Variants in ZNF382 observed in about 807,000 individuals in gnomAD.
ZNF382 encodes zinc finger protein 382.
A neutral mutation model predicts 38.8 loss-of-function variants in ZNF382; 20 were observed. The ratio of observed to expected loss-of-function variants is 0.51; its 90% CI spans 0.36 to 0.75. The LOEUF is 0.75. Ranked by LOEUF, ZNF382 falls within the 30% of genes least tolerant of loss-of-function variation. The pLI is 0.00. For missense variants in ZNF382, 546 were observed against 654.1 expected (o/e 0.83, Z 1.80); for synonymous variants, 202 against 223.1 (o/e 0.91, Z 0.84).
At chr19:36,618,852 A>G (rs779002115) in intron 4 of ZNF382, among the ~76,000 whole-genome samples, 1 of 152,182 alleles carries the variant, frequency 6.6e-6, no homozygotes, top group African/African-American at 2.4e-5. Context: ...ACCCTGCCCA[A>G]CATGGCAAAA....
chr19:36,621,644 A>G (rs1319602379), intron 4 of ZNF382, among the ~76,000 whole-genome samples: 1 of 152,100 alleles, frequency 6.6e-6, no homozygotes, highest in African/African-American at 2.4e-5. Flanking sequence ...TCAGTATAGT[A>G]TAACAACTGT....
intron 2 of ZNF382, chr19:36,608,146 A>G (rs2037049420): frequency 6.5e-6 from 1 of 152,746 alleles, no homozygotes; most frequent in African/African-American, 2.4e-5. Flanking sequence ...AGGTTTTGCA[A>G]TGGTACGTTG....
chr19:36,614,209 A>G (rs2037102669), intron 4 of ZNF382, among the ~76,000 whole-genome samples: 1 of 152,068 alleles, frequency 6.6e-6, no homozygotes, highest in East Asian at 1.9e-4. Flanking sequence ...ATATGGTGGC[A>G]CATGCCTGTA....
chr19:36,614,016 TAGCGTAA>T (rs1273146710), intron 4 of ZNF382, among the ~76,000 whole-genome samples: 2 of 152,156 alleles, frequency 1.3e-5, no homozygotes, highest in Non-Finnish European at 2.9e-5. Flanking sequence ...GGAAGTCAGT[TAGCGTAA>T]GTCCTCTAAC....
In ZNF382 at chr19:36,626,787, A is replaced by G; in HGVS notation, c.890A>G (p.His297Arg). The G allele has an allele frequency of 1.2e-6, 2 of 1,614,244 alleles. No individual in the cohort carries two copies. Among genetic ancestry groups the G allele is most frequent in the South Asian group, 1.1e-5 (1 of 91,090 alleles). The change falls in exon 5 of 5, where the codon CAC becomes CGC. Residue 297 changes from histidine (H) to arginine (R), a missense_variant. His to Arg is a conservative substitution (Grantham distance 29, BLOSUM62 0). Coordinates refer to ENST00000292928, the MANE Select transcript of ZNF382 (RefSeq NM_032825.5). ...QRPQTEEKPF[H>R]CPYCGNNFRR... ...CCTCAAACAGAAGAGAAACCCTTTC[A>G]CTGTCCTTACTGTGGGAATAACTTT...
In ZNF382 at chr19:36,627,681, A is replaced by AACAC. The variant is rs10669183; in HGVS notation, c.*157_*160dup. 6,127 of 532,542 alleles carry AACAC rather than the reference A, an allele frequency of 0.012. 69 individuals carry two copies. The highest frequency in any genetic ancestry group is 0.056 in the African/African-American group (2,868 of 51,308). 33.0% of individuals were successfully genotyped at this position (532,542 alleles called of 1,614,324 possible). A position where few individuals can be genotyped will look rare whatever the true frequency, so the allele number is the denominator to read the frequency against. The stretch of plus-strand genomic sequence containing the variant: ...TAACCTACTGTTTGCCAGCCTGTAA[A>AACAC]ACACACACACACACACACACACACA... On this transcript the variant is annotated 3_prime_UTR_variant, in exon 5 of 5. Coordinates refer to ENST00000292928, the MANE Select transcript of ZNF382 (RefSeq NM_032825.5).
chr19:36,609,304 TTCTG>T (rs2145312432), intron 2 of ZNF382: 1 of 152,328 alleles, frequency 6.6e-6, no homozygotes, highest in South Asian at 2.1e-4. Context: ...AAGACCACTG[TTCTG>T]TAGGAAAAAA....
intron 4 of ZNF382, among the ~76,000 whole-genome samples, chr19:36,614,917 C>A (rs12150966): frequency 3.5e-5 from 1 of 28,614 alleles, no homozygotes; most frequent in Non-Finnish European, 8.7e-5. Context: ...TCCTTTCCTT[C>A]CCTTTCCCTT....
intron 4 of ZNF382, among the ~76,000 whole-genome samples, chr19:36,622,654 C>A (rs927490009): frequency 2.0e-4 from 30 of 152,140 alleles, no homozygotes; most frequent in African/African-American, 7.2e-4. Flanking sequence ...CCTTAGGAAG[C>A]TGAGCTGATG....
rs1422225575 is a variant in ZNF382, at chr19:36,632,829, C to A, written c.*5279C>A. On this transcript the variant is annotated 3_prime_UTR_variant, in exon 5 of 5. Coordinates refer to ENST00000292928, the MANE Select transcript of ZNF382 (RefSeq NM_032825.5). ...AGCATATCTCCTCACCCTCTGTGTC[C>A]CCAGTATCAGATAGTGCACAGTACA... is the stretch of plus-strand genomic sequence containing the variant. 1 of 152,150 alleles carries A rather than the reference C, an allele frequency of 6.6e-6. No homozygotes were observed. Among genetic ancestry groups the A allele is most frequent in the African/African-American group, 2.4e-5 (1 of 41,422 alleles). 9.4% of individuals were successfully genotyped at this position (152,150 alleles called of 1,614,324 possible). A position where few individuals can be genotyped will look rare whatever the true frequency, so the allele number is the denominator to read the frequency against.
intron 3 of ZNF382, 55 bp from the exon 4 acceptor site, chr19:36,610,595 C>T (rs1406507743): frequency 3.5e-6 from 5 of 1,425,272 alleles, no homozygotes; most frequent in Non-Finnish European, 4.9e-6. Context: ...TATCTTACTT[C>T]AATAGTTTTA....
intron 1 of ZNF382, chr19:36,605,591 G>C (rs2037012965): frequency 6.6e-6 from 1 of 152,270 alleles, no homozygotes; most frequent in African/African-American, 2.4e-5. Flanking sequence ...GCTCCGCGAA[G>C]GGGGATTTTG....
chr19:36,614,895 T>TTTCCG, intron 4 of ZNF382, among the ~76,000 whole-genome samples: 2 of 73,954 alleles, frequency 2.7e-5, no homozygotes, highest in African/African-American at 7.1e-5. Flanking sequence ...TTTCCTTTCC[T>TTTCCG]TTCCTTTCCT....
At chr19:36,620,343 T>C (rs777855333) in intron 4 of ZNF382, among the ~76,000 whole-genome samples, 3 of 152,216 alleles carry the variant, frequency 2.0e-5, no homozygotes, top group Non-Finnish European at 4.4e-5. Context: ...AAATACTAAC[T>C]CATTCTCATC....
Position 36,632,805 on chromosome 19 carries a change from G to A in ZNF382, c.*5255G>A, listed in dbSNP as rs2037261924. The A allele has an allele frequency of 2.0e-5, 3 of 152,176 alleles. 1 individual carries two copies. The highest frequency in any genetic ancestry group is 2.0e-4 in the Admixed American group (3 of 15,270). The allele number at this position is 152,176 out of a possible 1,614,324, so 9.4% of individuals were successfully genotyped here. On this transcript the variant is annotated 3_prime_UTR_variant, in exon 5 of 5. Coordinates refer to ENST00000292928, the MANE Select transcript of ZNF382 (RefSeq NM_032825.5). ...ATTTCCTGATAATGTATGTGAACAA[G>A]CATATCTCCTCACCCTCTGTGTCCC...
chr19:36,614,914 C>CTTTCCTTCCCTTCCCT (rs752527955), intron 4 of ZNF382, among the ~76,000 whole-genome samples: 1 of 90,788 alleles, frequency 1.1e-5, no homozygotes, highest in East Asian at 2.6e-4. Context: ...CTTTCCTTTC[C>CTTTCCTTCCCTTCCCT]TTCCCTTTCC....
intron 2 of ZNF382, chr19:36,608,724 C>T (rs1224402935): frequency 6.6e-6 from 1 of 152,268 alleles, no homozygotes. Flanking sequence ...GCTATCACCA[C>T]CTGTATGTTC....
chr19:36,608,682 G>A (rs1029383721), intron 2 of ZNF382: 2 of 152,198 alleles, frequency 1.3e-5, no homozygotes, highest in African/African-American at 4.8e-5. Flanking sequence ...CCTCTGTCCA[G>A]AGTGTCAGAA....
rs1012224117 is a variant in ZNF382 at position 36,632,540 on chromosome 19, C to T, written c.*4990C>T. 9 of 152,180 alleles carry T rather than the reference C, an allele frequency of 5.9e-5. No individual in the cohort carries two copies. Among genetic ancestry groups the T allele is most frequent in the African/African-American group, 1.9e-4 (8 of 41,438 alleles). The allele number at this position is 152,180 out of a possible 1,614,324, so 9.4% of individuals were successfully genotyped here. The stretch of plus-strand genomic sequence containing the variant: ...TCTGTTCACTGGTTACATAGTCAAG[C>T]CAGGCTATCTAACTGGTTATGTAAG... On this transcript the variant is annotated 3_prime_UTR_variant, in exon 5 of 5. Coordinates refer to ENST00000292928, the MANE Select transcript of ZNF382 (RefSeq NM_032825.5).
Sources: allele counts gnomAD v4.1 joint callset (sites outside exome capture counted in the v4.1 genomes callset), GRCh38; gene constraint gnomAD v4.1.1; transcripts MANE v1.5; gene names NCBI Gene and HGNC (gene_info 2026-07-23, HGNC 2026-07-21).